The following ORC6 variants were observed in gnomAD, a reference collection of about 807,000 sequenced individuals.
The protein encoded by ORC6 is origin recognition complex, subunit 6 homolog-like (yeast).
Under a neutral mutation model 30.0 loss-of-function variants are expected in ORC6, and 31 were observed. The observed-to-expected ratio is 1.03, with a 90% CI of 0.78 to 1.40. The LOEUF is 1.40. ORC6 is among the 40% of genes most tolerant of loss of function. ORC6 has a pLI of 0.00. For synonymous variants in ORC6, 136 were observed against 111.2 expected, an observed-to-expected ratio of 1.22 and a Z score of -1.40; for missense variants, 340 against 304.3, an observed-to-expected ratio of 1.12 and a Z score of -0.87.
chr16:46,696,657 T>C (rs1167722658), intron 6 of ORC6, among the ~76,000 whole-genome samples: 2 of 152,174 alleles, frequency 1.3e-5, no homozygotes, highest in African/African-American at 4.8e-5. Flanking sequence ...TTTTGGTTTT[T>C]TGGTTTCTCT....
Position 46,696,041 on chromosome 16 carries a change from C to T in ORC6, c.587C>T (p.Pro196Leu), listed in dbSNP as rs370032075. ...VDREPGDVAT[P>L]PRKRKKIVVE... is the part of the protein sequence containing the mutation. Reference sequence around the variant, plus strand: ...GGAGAACCTGGAGATGTAGCTACTCCACCACGGAAGAGAAAGAAGATAGTG... The same window carrying T: ...GGAGAACCTGGAGATGTAGCTACTCTACCACGGAAGAGAAAGAAGATAGTG... Residue 196 changes from proline (P) to leucine (L), a missense_variant, in exon 6 of 7, where the codon CCA becomes CTA. Physicochemically the swap from Pro to Leu is moderately conservative, Grantham distance 98. Transcript: ENST00000219097. 3.7e-6 allele frequency: 6 copies of T among 1,613,226 alleles called. No individual in the cohort carries two copies. The highest frequency in any genetic ancestry group is 1.3e-5 in the African/African-American group (1 of 74,916).
chr16:46,694,634 G>T (rs1421049665), intron 4 of ORC6: 4 of 146,748 alleles, frequency 2.7e-5, no homozygotes, highest in African/African-American at 1.1e-4. Context: ...TGGCCGGGCG[G>T]GGGGCTGACC....
At chr16:46,695,972 A>C in intron 5 of ORC6, 45 bp from the exon 6 acceptor site, 1 of 1,391,574 alleles carries the variant, frequency 7.2e-7, no homozygotes, top group Non-Finnish European at 1.0e-6. Flanking sequence ...CAAATACTGA[A>C]ATTGAGAACA....
chr16:46,693,528 G>A (rs912634498), intron 4 of ORC6: 102 of 349,416 alleles, frequency 2.9e-4, no homozygotes, highest in South Asian at 4.3e-4. Flanking sequence ...TGGGCCAGGC[G>A]TGGTGGCTCC....
At position 46,692,459 on chromosome 16, in the gene ORC6, C is replaced by A; in HGVS notation, c.273C>A (p.Gly91=). The A allele has an allele frequency of 1.9e-6, 3 of 1,613,068 alleles. No individual in the cohort carries two copies. Among genetic ancestry groups the A allele is most frequent in the South Asian group, 1.1e-5 (1 of 91,062 alleles). Reference sequence around the variant, plus strand: ...TTAAATCTTTTGAGTGTTTACTGGGCCTGAATTCAAATATTGGAATAAGAG... The same window carrying A: ...TTAAATCTTTTGAGTGTTTACTGGGACTGAATTCAAATATTGGAATAAGAG... ...SCLKSFECLL[G]LNSNIGIRDL... is the part of the protein sequence containing the mutation. The change falls in exon 3 of 7, where the codon GGC becomes GGA. Residue 91 remains glycine, a synonymous_variant. Transcript: ENST00000219097.
chr16:46,697,608 C>T lies in ORC6; in HGVS notation c.*23C>T. The stretch of plus-strand genomic sequence containing the variant: ...TGATTTCAGCTTCCAAACTGGTATA[C>T]ATTCCAAACTGATAGTACATTGCCA... On this transcript the variant is annotated 3_prime_UTR_variant, in exon 7 of 7. Transcript: ENST00000219097. The T allele has an allele frequency of 6.2e-7, 1 of 1,611,842 alleles. No homozygotes were observed. The highest frequency in any genetic ancestry group is 8.5e-7 in the Non-Finnish European group (1 of 1,177,932).
chr16:46,692,543 A>C lies in ORC6; in HGVS notation c.357A>C (p.Lys119Asn). ...EAVNMASKIL[K>N]SYESSLPQTQ... ...TGAACATGGCTTCAAAGATACTAAA[A>C]AGGTATGGGGCATAGAGAACCTTAA... Residue 119 changes from lysine (K) to asparagine (N), a missense_variant and splice_region_variant, in exon 3 of 7, where the codon AAA becomes AAC. By Grantham distance (94) the Lys-to-Asn change is moderately conservative. Transcript: ENST00000219097. 1 of 1,612,656 alleles carries C rather than the reference A, an allele frequency of 6.2e-7. No homozygotes were observed. Among genetic ancestry groups the C allele is most frequent in the Non-Finnish European group, 8.5e-7 (1 of 1,178,852 alleles).
At chr16:46,695,752 A>T in intron 5 of ORC6, 78 bp downstream of exon 5, 1 of 954,650 alleles carries the variant, frequency 1.0e-6, no homozygotes, top group Non-Finnish European at 1.7e-6. Context: ...ATTTTCAAAT[A>T]TGTAAACTGG....
intron 3 of ORC6, 34 bp from the exon 4 acceptor site, chr16:46,693,059 C>G: frequency 7.4e-7 from 1 of 1,352,592 alleles, no homozygotes; most frequent in Non-Finnish European, 1.1e-6. Context: ...ATAATATTTT[C>G]TAACAGATAA....
At chr16:46,696,501 C>T (rs759121228) in intron 6 of ORC6, among the ~76,000 whole-genome samples, 71 of 152,178 alleles carry the variant, frequency 4.7e-4, no homozygotes, top group African/African-American at 1.6e-3. Flanking sequence ...TCTTTTCCCC[C>T]GACAAAAGAA....
At chr16:46,692,683 C>T in intron 3 of ORC6, 138 bp downstream of exon 3, 1 of 714,738 alleles carries the variant, frequency 1.4e-6, no homozygotes, top group South Asian at 1.4e-5. Flanking sequence ...GCCTGGCCAA[C>T]ATGGTGAAAC....
At position 46,695,671 on chromosome 16, in the gene ORC6, G is replaced by C; in HGVS notation, c.559G>C (p.Asp187His). The C allele has an allele frequency of 6.3e-7, 1 of 1,578,478 alleles. No homozygotes were observed. The highest frequency in any genetic ancestry group is 8.7e-7 in the Non-Finnish European group (1 of 1,147,560). Residue 187 changes from aspartate to histidine, a missense_variant, in exon 5 of 7, where the codon GAC becomes CAC. Transcript: ENST00000219097. ...KQLEKIGQQV[D>H]REPGDVATPP... ...ACTAGAGAAGATTGGACAGCAGGTCGACAGTAAGTATTCTGTAGTTCAAGA... is the reference window on the plus strand; with the variant it reads ...ACTAGAGAAGATTGGACAGCAGGTCCACAGTAAGTATTCTGTAGTTCAAGA...
chr16:46,692,738 T>C (rs1319065470), intron 3 of ORC6, among the ~76,000 whole-genome samples, 193 bp downstream of exon 3: 1 of 152,122 alleles, frequency 6.6e-6, no homozygotes, highest in Non-Finnish European at 1.5e-5. Flanking sequence ...CGAGGCGTCA[T>C]GCACCTGTAA....
In ORC6 at chr16:46,689,677, C is replaced by G; in HGVS notation, c.-29C>G. The G allele has an allele frequency of 3.1e-6, 5 of 1,590,972 alleles. No homozygotes were observed. Among genetic ancestry groups the G allele is most frequent in the Non-Finnish European group, 4.3e-6 (5 of 1,168,334 alleles). On this transcript the variant is annotated 5_prime_UTR_variant, in exon 1 of 7. Coordinates refer to ENST00000219097, the MANE Select transcript of ORC6 (RefSeq NM_014321.4). The stretch of plus-strand genomic sequence containing the variant: ...GGGTTTCGTTGACCCGCGGCGTTCA[C>G]GGGAATTGTTCGCTTTAGTGCCGGC...
At position 46,698,183 on chromosome 16, in the gene ORC6, G is replaced by GATGGATAGATAGATA. The variant is rs1966543675; in HGVS notation, c.*598_*599insATGGATAGATAGATA. 4.2e-4 allele frequency: 182 copies of GATGGATAGATAGATA among 430,536 alleles called. No homozygotes were observed. The highest frequency in any genetic ancestry group is 6.0e-4 in the Non-Finnish European group (129 of 214,562). The allele number at this position is 430,536 out of a possible 1,614,324, so 26.7% of individuals were successfully genotyped here. ...CTTATAGATAGATAGATAGATAGAT[G>GATGGATAGATAGATA]GATAGATAGATAGATAGATAGATAG... On this transcript the variant is annotated 3_prime_UTR_variant, in exon 7 of 7. Coordinates refer to ENST00000219097, the MANE Select transcript of ORC6 (RefSeq NM_014321.4).
chr16:46,694,529 C>T lies in ORC6; in HGVS notation c.450-1033C>T, dbSNP rs1420462196. ...CTCCTTCCTGGACGGGGCGGCTGGC[C>T]GGGCGGGGGGCTGACCCCCCCACCT... is the stretch of plus-strand genomic sequence containing the variant. On this transcript the variant is annotated intron_variant, in intron 4 of 6. Transcript: ENST00000219097. The T allele has an allele frequency of 3.0e-5, 4 of 133,478 alleles. 1 individual carries two copies. Among genetic ancestry groups the T allele is most frequent in the Admixed American group, 1.5e-4 (2 of 13,576 alleles). 8.3% of individuals were successfully genotyped at this position (133,478 alleles called of 1,614,324 possible). A position where few individuals can be genotyped will look rare whatever the true frequency, so the allele number is the denominator to read the frequency against.
chr16:46,695,929 AT>A, intron 5 of ORC6, 87 bp from the exon 6 acceptor site: 2 of 966,116 alleles, frequency 2.1e-6, no homozygotes, highest in South Asian at 2.6e-5. Context: ...ATCAGTTAAG[AT>A]GTCTAATTTT....
At chr16:46,693,328 A>T in intron 4 of ORC6, 146 bp downstream of exon 4, 1 of 663,298 alleles carries the variant, frequency 1.5e-6, no homozygotes, top group Non-Finnish European at 2.7e-6. Flanking sequence ...AAGTGACTAT[A>T]TTCCCAGTTT....
intron 1 of ORC6, among the ~76,000 whole-genome samples, chr16:46,690,336 T>G (rs1455347136): frequency 6.6e-6 from 1 of 151,998 alleles, no homozygotes; most frequent in Non-Finnish European, 1.5e-5. Flanking sequence ...TGTAAAAGCG[T>G]TGAGATGGGA....
Sources: gnomAD v4.1 joint callset for allele counts (sites outside exome capture counted in the v4.1 genomes callset) on GRCh38, gnomAD v4.1.1 for gene constraint, MANE v1.5 for transcripts, NCBI Gene and HGNC (gene_info 2026-07-23, HGNC 2026-07-21) for gene names.